The following PCDHA11 variants were observed in gnomAD, a reference collection of about 807,000 sequenced individuals.
The protein encoded by PCDHA11 is protocadherin alpha 11.
In PCDHA11, 61 loss-of-function variants were observed where a neutral mutation model predicts 70.3. The ratio of observed to expected loss-of-function variants is 0.87; its 90% CI spans 0.71 to 1.07. The LOEUF (loss-of-function observed/expected upper bound fraction) is 1.07, where lower values mean the gene tolerates loss of function less well. Among genes scored for constraint, PCDHA11 ranks in the 50% least tolerant of loss-of-function variants. PCDHA11 has a pLI of 0.00. For synonymous variants in PCDHA11, 633 were observed against 555.1 expected (o/e 1.14, Z -1.97); for missense variants, 1,324 against 1,237.5 (o/e 1.07, Z -1.05).
At chr5:140,903,800 A>T (rs2070614237) in intron 1 of PCDHA11, among the ~76,000 whole-genome samples, 1 of 152,178 alleles carries the variant, frequency 6.6e-6, no homozygotes, top group African/African-American at 2.4e-5. Context: ...GTTGTAATTG[A>T]CAAGTATAGT....
At chr5:140,926,740 A>G (rs1291119790) in intron 1 of PCDHA11, 2 of 1,186,206 alleles carry the variant, frequency 1.7e-6, no homozygotes, top group Non-Finnish European at 2.2e-6. Context: ...CGGGAGGCGC[A>G]ACGTCGGCGG....
intron 1 of PCDHA11, among the ~76,000 whole-genome samples, chr5:140,957,690 T>G (rs2095375856): frequency 6.6e-6 from 1 of 152,060 alleles, no homozygotes; most frequent in South Asian, 2.1e-4. Context: ...ATCTAGACAA[T>G]GAACATTATG....
rs377441374 is a variant in PCDHA11, at chr5:140,884,065, C to T, written c.2391+12571C>T. The T allele has an allele frequency of 3.7e-6, 6 of 1,613,346 alleles. No individual in the cohort carries two copies. The African/African-American group carries it at 5.3e-5, about 14-fold the overall frequency. ...TGGCGAAGGTGCGCGCGGTGGACGC[C>T]GATTCGGGCTACAATGCGTGGCTTT... is the stretch of plus-strand genomic sequence containing the variant. On this transcript the variant is annotated intron_variant, in intron 1 of 3. Transcript: ENST00000398640.
Position 140,869,064 on chromosome 5 carries a change from A to G in PCDHA11, c.-40A>G, listed in dbSNP as rs782442864. 1.9e-6 allele frequency: 3 copies of G among 1,559,452 alleles called. No homozygotes were observed. Among genetic ancestry groups the G allele is most frequent in the East Asian group, 4.5e-5 (2 of 44,480 alleles). On this transcript the variant is annotated 5_prime_UTR_variant, in exon 1 of 4. Coordinates refer to ENST00000398640, the MANE Select transcript of PCDHA11 (RefSeq NM_018902.5). ...TGAAACTGAAGAATCTGGTACTGTAAGTGTAAAGAAGCTTATTTTGGAAGC... is the reference window on the plus strand; with the variant it reads ...TGAAACTGAAGAATCTGGTACTGTAGGTGTAAAGAAGCTTATTTTGGAAGC...
intron 1 of PCDHA11, chr5:140,884,468 C>T (rs925441051): frequency 2.5e-6 from 4 of 1,613,762 alleles, no homozygotes; most frequent in Non-Finnish European, 3.4e-6. Flanking sequence ...CGCGTGCGCG[C>T]CGGGCAAGCC....
intron 3 of PCDHA11, among the ~76,000 whole-genome samples, chr5:141,008,339 C>T (rs782805145): frequency 1.1e-4 from 16 of 152,176 alleles, no homozygotes; most frequent in Non-Finnish European, 1.5e-4. Context: ...TTTGATGGAG[C>T]TTTTCACGTG....
chr5:140,961,805 G>A (rs1554225601), intron 1 of PCDHA11, among the ~76,000 whole-genome samples: 1 of 151,810 alleles, frequency 6.6e-6, no homozygotes, highest in African/African-American at 2.4e-5. Context: ...AGGAAATTGG[G>A]TTCTCTAGTC....
chr5:140,922,275 C>T (rs782815629), intron 1 of PCDHA11, among the ~76,000 whole-genome samples: 1 of 152,052 alleles, frequency 6.6e-6, no homozygotes, highest in Non-Finnish European at 1.5e-5. Context: ...AAGATTGGAC[C>T]AAGATATGAA....
intron 1 of PCDHA11, among the ~76,000 whole-genome samples, chr5:140,907,796 A>AG (rs2073616997): frequency 6.6e-6 from 1 of 152,214 alleles, no homozygotes; most frequent in African/African-American, 2.4e-5. Flanking sequence ...AAAGAGGCTA[A>AG]GTGGTGTCCA....
At chr5:140,928,008 T>C in intron 1 of PCDHA11, 1 of 1,614,158 alleles carries the variant, frequency 6.2e-7, no homozygotes, top group Non-Finnish European at 8.5e-7. Context: ...TCGATTCTAA[T>C]GGTAGGGTCA....
chr5:140,927,480 C>T (rs782233621), intron 1 of PCDHA11: 3 of 1,613,976 alleles, frequency 1.9e-6, no homozygotes, highest in African/African-American at 1.3e-5. Context: ...GCGAACAGCG[C>T]GCCACCCACC....
chr5:140,898,004 T>C (rs2066460029), intron 1 of PCDHA11, among the ~76,000 whole-genome samples: 1 of 152,210 alleles, frequency 6.6e-6, no homozygotes, highest in East Asian at 1.9e-4. Context: ...GAAGTGTCTG[T>C]TCATATCCTT....
At chr5:140,962,438 G>A (rs1375451859) in intron 1 of PCDHA11, among the ~76,000 whole-genome samples, 3 of 152,108 alleles carry the variant, frequency 2.0e-5, no homozygotes, top group Non-Finnish European at 2.9e-5. Context: ...CTTATCCAAA[G>A]ATGGCTTGAA....
At chr5:140,891,232 C>T (rs1562856029) in intron 1 of PCDHA11, among the ~76,000 whole-genome samples, 1 of 151,946 alleles carries the variant, frequency 6.6e-6, no homozygotes, top group Non-Finnish European at 1.5e-5. Context: ...TCATCCTGTT[C>T]TGGATTCAGT....
rs782014542 is a variant in PCDHA11 at position 140,871,278 on chromosome 5, G to T, written c.2175G>T (p.Thr725=). 1.9e-6 allele frequency: 3 copies of T among 1,613,918 alleles called. No homozygotes were observed. Among genetic ancestry groups the T allele is most frequent in the East Asian group, 4.5e-5 (2 of 44,884 alleles). ...LLYTALWWSA[T]PTEGACAPGK... ...ATACGGCGCTGTGGTGGTCGGCAAC[G>T]CCCACTGAGGGCGCGTGCGCGCCGG... The change falls in exon 1 of 4, where the codon ACG becomes ACT. Residue 725 remains threonine (T), a synonymous_variant. Transcript: ENST00000398640.
At chr5:140,883,365 G>A in intron 1 of PCDHA11, 1 of 1,614,148 alleles carries the variant, frequency 6.2e-7, no homozygotes, top group Non-Finnish European at 8.5e-7. Context: ...ACTCAGCCTA[G>A]CGCCATTATT....
At chr5:140,917,151 G>T (rs974449842) in intron 1 of PCDHA11, among the ~76,000 whole-genome samples, 2 of 152,160 alleles carry the variant, frequency 1.3e-5, no homozygotes, top group Non-Finnish European at 2.9e-5. Flanking sequence ...TGCTGCTGGG[G>T]GATATGGGAG....
intron 1 of PCDHA11, chr5:140,966,441 C>A (rs2096002534): frequency 4.7e-6 from 2 of 424,804 alleles, no homozygotes; most frequent in South Asian, 1.8e-4. Context: ...CTACCGCTCC[C>A]TTTCCCCCTC....
intron 1 of PCDHA11, among the ~76,000 whole-genome samples, chr5:140,925,706 T>C (rs371734955): frequency 2.0e-5 from 3 of 151,422 alleles, no homozygotes; most frequent in Admixed American, 6.6e-5. Context: ...AGCCTATTCT[T>C]ATCCTGCCTC....
Sources: allele counts gnomAD v4.1 joint callset (sites outside exome capture counted in the v4.1 genomes callset), GRCh38; gene constraint gnomAD v4.1.1; transcripts MANE v1.5; gene names NCBI Gene and HGNC (gene_info 2026-07-23, HGNC 2026-07-21).